The following PPWD1 variants were observed in gnomAD, a reference collection of about 807,000 sequenced individuals.
PPWD1 encodes peptidylprolyl isomerase domain and WD repeat-containing protein 1.
A neutral mutation model predicts 68.8 loss-of-function variants in PPWD1; 43 were observed. That is an observed-to-expected ratio of 0.62 (90% CI 0.49 to 0.81). The LOEUF (loss-of-function observed/expected upper bound fraction) is 0.81, where lower values mean the gene tolerates loss of function less well. PPWD1 is among the 30% of genes least tolerant of loss of function. The probability of loss-of-function intolerance (pLI) is 0.00; values close to 1 mark genes in which losing one functional copy is unlikely to be tolerated. For missense variants in PPWD1, 672 were observed against 804.8 expected, an observed-to-expected ratio of 0.83 and a Z score of 2.00; for synonymous variants, 232 against 258.7, an observed-to-expected ratio of 0.90 and a Z score of 0.99.
At chr5:65,563,951 T>C (rs1183807828) in intron 1 of PPWD1, 4 of 1,031,636 alleles carry the variant, frequency 3.9e-6, no homozygotes, top group Non-Finnish European at 5.7e-6. Flanking sequence ...TCATGGTAGG[T>C]AAAGATAATT....
At chr5:65,585,295 G>A (rs1461361785) in intron 9 of PPWD1, among the ~76,000 whole-genome samples, 200 bp downstream of exon 9, 1 of 152,140 alleles carries the variant, frequency 6.6e-6, no homozygotes, top group East Asian at 1.9e-4. Context: ...GGCATGATTA[G>A]AAACACTGAA....
chr5:65,563,973 A>G (rs1752499274), intron 1 of PPWD1: 8 of 795,756 alleles, frequency 1.0e-5, no homozygotes, highest in South Asian at 8.5e-5. Context: ...CAACTCTGAC[A>G]CTTCCACTAA....
chr5:65,575,433 C>T (rs1753236623), intron 5 of PPWD1, among the ~76,000 whole-genome samples: 1 of 152,198 alleles, frequency 6.6e-6, no homozygotes, highest in Non-Finnish European at 1.5e-5. Context: ...AAGACCTTGA[C>T]CTTGTGCTTA....
intron 4 of PPWD1, 173 bp from the exon 5 acceptor site, chr5:65,571,666 A>G (rs1448872880): frequency 1.3e-6 from 1 of 749,282 alleles, no homozygotes; most frequent in Non-Finnish European, 1.6e-6. Context: ...AAGAGAAAAA[A>G]TAAGTAACTA....
chr5:65,563,367 G>T lies in PPWD1; in HGVS notation c.57G>T (p.Pro19=), dbSNP rs1485347880. The T allele has an allele frequency of 6.2e-7, 1 of 1,613,986 alleles. No individual in the cohort carries two copies. The change falls in exon 1 of 11, where the codon CCG becomes CCT. Residue 19 remains proline, a synonymous_variant. Coordinates refer to ENST00000261308, the MANE Select transcript of PPWD1 (RefSeq NM_015342.4). ...FQQRRRRRRD[P]EEPEKTELSE... is the part of the protein sequence containing the mutation. ...AGAGACGTAGAAGGCGCCGGGACCC[G>T]GAGGAACCGGAAAAAACAGAACTCA...
chr5:65,580,207 T>C (rs1302137449), intron 7 of PPWD1, among the ~76,000 whole-genome samples: 2 of 152,200 alleles, frequency 1.3e-5, no homozygotes, highest in African/African-American at 2.4e-5. Context: ...ATCAAAAGTA[T>C]AGAGACCTAT....
Position 65,583,083 on chromosome 5 carries a change from C to A in PPWD1, c.1396C>A (p.Arg466=). The A allele has an allele frequency of 6.2e-7, 1 of 1,611,066 alleles. No homozygotes were observed. The highest frequency in any genetic ancestry group is 8.5e-7 in the Non-Finnish European group (1 of 1,178,894). The part of the protein sequence containing the change: ...PEDTKSADSD[R]DVFNEKPSKE... ...AGATACGAAAAGTGCAGATTCTGAT[C>A]GAGATGTTTTTAATGAGAAACCTTC... Residue 466 remains arginine, a synonymous_variant, in exon 8 of 11, where the codon CGA becomes AGA. Coordinates refer to ENST00000261308, the MANE Select transcript of PPWD1 (RefSeq NM_015342.4).
At chr5:65,584,154 C>T (rs531067075) in intron 8 of PPWD1, among the ~76,000 whole-genome samples, 1 of 152,210 alleles carries the variant, frequency 6.6e-6, no homozygotes, top group Non-Finnish European at 1.5e-5. Flanking sequence ...TGAATATGAA[C>T]GTTTTATACC....
intron 1 of PPWD1, chr5:65,563,750 A>G (rs1322883166): frequency 6.9e-7 from 1 of 1,450,134 alleles, no homozygotes; most frequent in African/African-American, 1.4e-5. Flanking sequence ...AGATGCTAAA[A>G]CTAACATTTT....
At chr5:65,579,382 A>G in intron 6 of PPWD1, 42 bp from the exon 7 acceptor site, 1 of 1,418,688 alleles carries the variant, frequency 7.0e-7, no homozygotes, top group Non-Finnish European at 9.3e-7. Flanking sequence ...ATTGGAATTA[A>G]CTTCGGTGAT....
chr5:65,582,889 A>G (rs983604765), intron 7 of PPWD1, 149 bp from the exon 8 acceptor site: 4 of 1,051,736 alleles, frequency 3.8e-6, no homozygotes, highest in Non-Finnish European at 5.1e-6. Flanking sequence ...TGCCTGACAC[A>G]TCCTGTATGG....
chr5:65,586,144 C>T lies in PPWD1; in HGVS notation c.1760C>T (p.Thr587Ile). ...AGCATGGCTAACGCGGGATCAAATA[C>T]TAATGGATCCCAGTTTTTCATAACG... ...TLSMANAGSN[T>I]NGSQFFITVV... The change falls in exon 10 of 11, where the codon ACT becomes ATT. Residue 587 changes from threonine (T) to isoleucine (I), a missense_variant. Coordinates refer to ENST00000261308, the MANE Select transcript of PPWD1 (RefSeq NM_015342.4). The T allele has an allele frequency of 6.2e-7, 1 of 1,613,178 alleles. No individual in the cohort carries two copies. The highest frequency in any genetic ancestry group is 8.5e-7 in the Non-Finnish European group (1 of 1,179,372).
intron 5 of PPWD1, among the ~76,000 whole-genome samples, chr5:65,572,854 A>G (rs900557556): frequency 6.6e-6 from 1 of 152,152 alleles, no homozygotes; most frequent in Non-Finnish European, 1.5e-5. Context: ...GTCACTAACC[A>G]TAGTTCATGC....
At chr5:65,567,276 A>G (rs929083534) in intron 1 of PPWD1, among the ~76,000 whole-genome samples, 3 of 151,958 alleles carry the variant, frequency 2.0e-5, no homozygotes, top group African/African-American at 7.3e-5. Flanking sequence ...GTTAGCATGT[A>G]TATAGTACCT....
rs762437973 is a variant in PPWD1 at position 65,583,173 on chromosome 5, A to G, written c.1486A>G (p.Ile496Val). The G allele has an allele frequency of 6.2e-7, 1 of 1,610,890 alleles. No homozygotes were observed. Among genetic ancestry groups the G allele is most frequent in the Non-Finnish European group, 8.5e-7 (1 of 1,178,868 alleles). ...GPKRVSDSAI[I>V]HTSMGDIHTK... ...TAAACGAGTTTCGGACAGTGCCATT[A>G]TCCACACCAGCATGGGAGACATTCA... The change falls in exon 8 of 11, where the codon ATC becomes GTC. Residue 496 changes from isoleucine to valine, a missense_variant. By Grantham distance (29) the Ile-to-Val change is conservative. Coordinates refer to ENST00000261308, the MANE Select transcript of PPWD1 (RefSeq NM_015342.4).
At chr5:65,573,547 T>TTTTTTTTTTTTTTTTTTTTTTTTTTTG (rs1753134142) in intron 5 of PPWD1, among the ~76,000 whole-genome samples, 1 of 52,638 alleles carries the variant, frequency 1.9e-5, no homozygotes, top group African/African-American at 8.0e-5. Context: ...TTTTTTTTTT[T>TTTTTTTTTTTTTTTTTTTTTTTTTTTG]TTTTTTAAGT....
At chr5:65,571,758 A>C (rs1753012619) in intron 4 of PPWD1, 81 bp from the exon 5 acceptor site, 6 of 1,526,088 alleles carry the variant, frequency 3.9e-6, no homozygotes, top group Non-Finnish European at 5.3e-6. Context: ...CAGCCAAGAC[A>C]TTTTTGGTAG....
At chr5:65,578,782 G>GTGTATATATATATATACATATATA (rs1753445197) in intron 6 of PPWD1, among the ~76,000 whole-genome samples, 1 of 120,296 alleles carries the variant, frequency 8.3e-6, no homozygotes, top group Non-Finnish European at 1.8e-5. Context: ...ACATATATAT[G>GTGTATATATATATATACATATATA]TGTATATATA....
At chr5:65,576,592 G>A (rs1308837140) in intron 5 of PPWD1, among the ~76,000 whole-genome samples, 1 of 152,074 alleles carries the variant, frequency 6.6e-6, no homozygotes, top group Admixed American at 6.5e-5. Context: ...TGGCCAGGCT[G>A]TTCTTGAACT....
Sources: gnomAD v4.1 joint callset for allele counts (sites outside exome capture counted in the v4.1 genomes callset) on GRCh38, gnomAD v4.1.1 for gene constraint, MANE v1.5 for transcripts, NCBI Gene and HGNC (gene_info 2026-07-23, HGNC 2026-07-21) for gene names.